The following DNAJB6 variants were observed in gnomAD, a reference collection of about 807,000 sequenced individuals.
DNAJB6 encodes DnaJ heat shock protein family (Hsp40) member B6, also known as dnaJ homolog subfamily B member 6.
Under a neutral mutation model 42.7 loss-of-function variants are expected in DNAJB6, and 16 were observed. The observed-to-expected ratio is 0.37, with a 90% CI of 0.25 to 0.57. The LOEUF (loss-of-function observed/expected upper bound fraction) is 0.57. Among genes scored for constraint, DNAJB6 ranks in the 20% least tolerant of loss-of-function variants. DNAJB6 has a pLI of 0.74. For missense variants in DNAJB6, 347 were observed against 416.8 expected (o/e 0.83, Z 1.46); for synonymous variants, 170 against 163.5 (o/e 1.04, Z -0.30).
At position 157,337,219 on chromosome 7, in the gene DNAJB6, C is replaced by T. The variant is rs555774976; in HGVS notation, c.-27+75C>T. The stretch of plus-strand genomic sequence containing the variant: ...CGCCCGGCAGACGGCGGACCTCACC[C>T]GGCGCCTGGCAACAGCGCGGGGGGT... On this transcript the variant is annotated intron_variant, in intron 1 of 9. Coordinates refer to ENST00000262177, the MANE Select transcript of DNAJB6 (RefSeq NM_058246.4). The T allele has an allele frequency of 1.2e-3, 178 of 152,298 alleles. 5 individuals are homozygous for T. In the East Asian group the frequency reaches 0.031, roughly 27 times the overall value. The allele number at this position is 152,298 out of a possible 1,614,324, so 9.4% of individuals were successfully genotyped here. A position where few individuals can be genotyped will look rare whatever the true frequency, so the allele number is the denominator to read the frequency against.
intron 1 of DNAJB6, among the ~76,000 whole-genome samples, chr7:157,343,726 C>T (rs1448136604): frequency 6.6e-6 from 1 of 152,142 alleles, no homozygotes; most frequent in Non-Finnish European, 1.5e-5. Flanking sequence ...TGGGATTATA[C>T]GCATGAGCTA....
intron 1 of DNAJB6, among the ~76,000 whole-genome samples, chr7:157,356,441 T>C (rs889386044): frequency 6.6e-6 from 1 of 152,216 alleles, no homozygotes; most frequent in Non-Finnish European, 1.5e-5. Flanking sequence ...GGGAGTCGAC[T>C]CCTGTCTTTT....
intron 8 of DNAJB6, among the ~76,000 whole-genome samples, chr7:157,396,492 C>T (rs1007925272): frequency 9.2e-5 from 14 of 152,190 alleles, no homozygotes; most frequent in Middle Eastern, 3.2e-3. Context: ...GCCCAGGCAC[C>T]CCACCCAGCA....
At chr7:157,373,226 C>G (rs1487856684) in intron 5 of DNAJB6, among the ~76,000 whole-genome samples, 2 of 152,198 alleles carry the variant, frequency 1.3e-5, no homozygotes, top group African/African-American at 4.8e-5. Context: ...TTTTGGGGAC[C>G]ATGATTCAAC....
chr7:157,409,800 G>A lies in DNAJB6; in HGVS notation c.697G>A (p.Ala233Thr), dbSNP rs1488094456. Reference protein sequence around the residue: ...QLKSLTINGVADDDALAEERM... With the variant: ...QLKSLTINGVTDDDALAEERM... ...CTCTCCCGCTGTGCCTGCAGGTGTGGCCGACGACGATGCCCTCGCTGAGGA... is the reference window on the plus strand; with the variant it reads ...CTCTCCCGCTGTGCCTGCAGGTGTGACCGACGACGATGCCCTCGCTGAGGA... Residue 233 changes from alanine (A) to threonine (T), a missense_variant, in exon 9 of 10, where the codon GCC becomes ACC. Around this residue, in one of 3 missense-constraint regions of DNAJB6, gnomAD observed 264 missense variants for 288.0 expected, o/e 0.92. Coordinates refer to ENST00000262177, the MANE Select transcript of DNAJB6 (RefSeq NM_058246.4). The A allele has an allele frequency of 2.6e-6, 4 of 1,527,536 alleles. No individual in the cohort carries two copies. In the Admixed American group the frequency reaches 7.9e-5, roughly 30 times the overall value. The allele number at this position is 1,527,536 out of a possible 1,614,324, so 94.6% of individuals were successfully genotyped here. A position where few individuals can be genotyped will look rare whatever the true frequency, so the allele number is the denominator to read the frequency against.
intron 1 of DNAJB6, among the ~76,000 whole-genome samples, chr7:157,344,200 G>T (rs192909889): frequency 2.2e-4 from 33 of 152,318 alleles, no homozygotes; most frequent in African/African-American, 7.9e-4. Context: ...AATCAGCTGG[G>T]CGTGGTGACA....
intron 1 of DNAJB6, chr7:157,337,713 G>C (rs965602988): frequency 1.3e-5 from 2 of 152,264 alleles, no homozygotes; most frequent in African/African-American, 2.4e-5. Context: ...TTCTCACTCA[G>C]AATGTTTGTC....
intron 1 of DNAJB6, among the ~76,000 whole-genome samples, chr7:157,343,115 C>T (rs923260276): frequency 2.6e-5 from 4 of 151,526 alleles, no homozygotes; most frequent in Non-Finnish European, 4.4e-5. Flanking sequence ...CTTCAGCCTT[C>T]TTTCTGAGTA....
At chr7:157,372,547 T>G (rs1800268397) in intron 5 of DNAJB6, among the ~76,000 whole-genome samples, 1 of 152,148 alleles carries the variant, frequency 6.6e-6, no homozygotes, top group Non-Finnish European at 1.5e-5. Flanking sequence ...ATAAAATGGT[T>G]TCCTCTAGTG....
intron 5 of DNAJB6, among the ~76,000 whole-genome samples, chr7:157,375,486 T>C (rs1014444576): frequency 6.6e-5 from 10 of 152,250 alleles, no homozygotes; most frequent in African/African-American, 1.7e-4. Flanking sequence ...CTAGAAATTA[T>C]ACTTGTAATA....
rs1399449428 is a variant in DNAJB6, at chr7:157,417,427, C to T, written c.*1329C>T. The stretch of plus-strand genomic sequence containing the variant: ...GCCACCTACATAAATAAAACATAAG[C>T]ATATTGAATACAGCTCGCCTGCTGT... On this transcript the variant is annotated 3_prime_UTR_variant, in exon 10 of 10. Transcript: ENST00000262177. 6.6e-6 allele frequency: 1 copy of T among 152,226 alleles called. No homozygotes were observed. The highest frequency in any genetic ancestry group is 2.4e-5 in the African/African-American group (1 of 41,456). The allele number at this position is 152,226 out of a possible 1,614,324, so 9.4% of individuals were successfully genotyped here.
intron 1 of DNAJB6, among the ~76,000 whole-genome samples, chr7:157,348,238 G>A (rs1798788361): frequency 6.6e-6 from 1 of 151,528 alleles, no homozygotes; most frequent in Non-Finnish European, 1.5e-5. Flanking sequence ...GATTACAGGC[G>A]CCCACCACCT....
chr7:157,357,245 TCC>T (rs747582188), intron 1 of DNAJB6, among the ~76,000 whole-genome samples: 2 of 78,184 alleles, frequency 2.6e-5, no homozygotes, highest in South Asian at 4.1e-4. Flanking sequence ...CTTCCTTCCT[TCC>T]TTCCTTCCTT....
intron 1 of DNAJB6, among the ~76,000 whole-genome samples, chr7:157,343,386 C>T (rs1051300043): frequency 3.3e-5 from 5 of 152,098 alleles, no homozygotes; most frequent in African/African-American, 9.7e-5. Flanking sequence ...TCTTGAACAC[C>T]TCAGGTGATC....
At chr7:157,414,472 G>A (rs564258842) in intron 9 of DNAJB6, 27 of 152,378 alleles carry the variant, frequency 1.8e-4, no homozygotes, top group African/African-American at 6.5e-4. Context: ...CCCTGCTTTG[G>A]AAGCAGGTAC....
At chr7:157,340,787 G>A (rs933233761) in intron 1 of DNAJB6, among the ~76,000 whole-genome samples, 5 of 152,058 alleles carry the variant, frequency 3.3e-5, no homozygotes, top group African/African-American at 2.4e-5. Flanking sequence ...TCCTGCTTCA[G>A]CCTGCCAGGT....
chr7:157,390,570 A>G (rs555297987), intron 8 of DNAJB6, among the ~76,000 whole-genome samples: 31 of 152,262 alleles, frequency 2.0e-4, no homozygotes, highest in Middle Eastern at 3.4e-3. Context: ...TTGGTGCTGA[A>G]ACATTGCTGC....
At chr7:157,383,313 G>A in intron 6 of DNAJB6, among the ~76,000 whole-genome samples, 1 of 152,170 alleles carries the variant, frequency 6.6e-6, no homozygotes, top group East Asian at 1.9e-4. Flanking sequence ...GCCTGGAGCT[G>A]CTGTTTTGAT....
Position 157,357,214 on chromosome 7 carries a change from CCTTCCTTCCTTCCTTCCTT to C in DNAJB6, c.-26-1331_-26-1313del, listed in dbSNP as rs1799327569. Among the ~76,000 whole-genome samples, 2 of 36,238 alleles carry C rather than the reference CCTTCCTTCCTTCCTTCCTT, an allele frequency of 5.5e-5. 1 individual carries two copies. Among genetic ancestry groups the C allele is most frequent in the African/African-American group, 2.6e-4 (2 of 7,602 alleles). 23.8% of individuals were successfully genotyped at this position (36,238 alleles called of 152,430 possible). On this transcript the variant is annotated intron_variant, in intron 1 of 9. Transcript: ENST00000262177. Reference sequence around the variant, plus strand: ...CTTTGTGGCTTTGTGATACTGTTGTCCTTCCTTCCTTCCTTCCTTCCTTCCTTCCTTCCTTCCTTCCTTC... The same window carrying C: ...CTTTGTGGCTTTGTGATACTGTTGTCCCTTCCTTCCTTCCTTCCTTCCTTC...
Sources: allele counts gnomAD v4.1 joint callset (sites outside exome capture counted in the v4.1 genomes callset), GRCh38; gene constraint gnomAD v4.1.1; regional missense constraint gnomAD v4.1.1; transcripts MANE v1.5; gene names NCBI Gene and HGNC (gene_info 2026-07-23, HGNC 2026-07-21).